CACNA1C: variants seen among roughly 807,000 people sequenced by gnomAD.
CACNA1C encodes the protein voltage-dependent L-type calcium channel subunit alpha-1C.
In CACNA1C, 30 loss-of-function variants were observed where a neutral mutation model predicts 229.0. That is an observed-to-expected ratio of 0.13 (90% CI 0.10 to 0.18). The LOEUF is 0.18. Among genes scored for constraint, CACNA1C ranks in the 10% least tolerant of loss-of-function variants. The pLI, the probability that CACNA1C is intolerant of heterozygous loss-of-function variation, is 1.00. For missense variants in CACNA1C, 1,658 were observed against 2,845.0 expected (o/e 0.58, Z 9.49); for synonymous variants, 1,114 against 1,132.5 (o/e 0.98, Z 0.33).
chr12:2,068,931 G>T (rs2060301193), intron 1 of CACNA1C, among the ~76,000 whole-genome samples: 1 of 152,256 alleles, frequency 6.6e-6, no homozygotes, highest in Admixed American at 6.5e-5. Flanking sequence ...GAGGGTATCA[G>T]TTGGGGAATG....
chr12:2,558,805 G>GT (rs2045941947), intron 11 of CACNA1C, among the ~76,000 whole-genome samples: 1 of 152,108 alleles, frequency 6.6e-6, no homozygotes, highest in Non-Finnish European at 1.5e-5. Context: ...TTTCTCTCCC[G>GT]TTTCACTAGG....
intron 3 of CACNA1C, among the ~76,000 whole-genome samples, chr12:2,431,185 C>T (rs181547883): frequency 6.6e-6 from 1 of 152,328 alleles, no homozygotes; most frequent in Admixed American, 6.5e-5. Flanking sequence ...CCCAGGTCCT[C>T]CCCAGGATCT....
intron 5 of CACNA1C, among the ~76,000 whole-genome samples, chr12:2,461,248 T>C (rs73042168): frequency 0.11 from 16,801 of 152,256 alleles, 990 homozygotes; most frequent in Middle Eastern, 0.18. Flanking sequence ...ACATGATCTG[T>C]TGGCAGCTTT....
At chr12:2,578,072 G>T (rs932625171) in intron 13 of CACNA1C, among the ~76,000 whole-genome samples, 1 of 151,866 alleles carries the variant, frequency 6.6e-6, no homozygotes. Context: ...GTTTCACCGT[G>T]TTAGCCAGGA....
chr12:2,452,851 T>C (rs2099391010), intron 4 of CACNA1C, among the ~76,000 whole-genome samples: 1 of 152,206 alleles, frequency 6.6e-6, no homozygotes, highest in Non-Finnish European at 1.5e-5. Context: ...TGGTTTGCAT[T>C]TGGAATGTTG....
rs3085990 is a variant in CACNA1C, at chr12:2,067,481, T to TGTGTGTGTGTGTGTGTGTGTGTGC, written c.49+13871_49+13872insTGTGTGTGTGTGTGTGTGTGTGCG. Reference sequence around the variant, plus strand: ...GTGTGTGTGTGTGTGTGTGTGTGTGTGCGCGCGTGTGCGTGCCTGTATGTA... The same window carrying TGTGTGTGTGTGTGTGTGTGTGTGC: ...GTGTGTGTGTGTGTGTGTGTGTGTGTGTGTGTGTGTGTGTGTGTGTGTGCGCGCGCGTGTGCGTGCCTGTATGTA... On this transcript the variant is annotated intron_variant, in intron 1 of 46. Coordinates refer to ENST00000399655, the MANE Select transcript of CACNA1C (RefSeq NM_000719.7). The surrounding 1 kb of genome is among the most constrained non-coding windows in gnomAD (Gnocchi z 5.3). 1.4e-5 allele frequency among the ~76,000 whole-genome samples: 2 copies of TGTGTGTGTGTGTGTGTGTGTGTGC among 140,778 alleles called. No individual in the cohort carries two copies. The highest frequency in any genetic ancestry group is 5.5e-5 in the African/African-American group (2 of 36,648). 92.4% of individuals were successfully genotyped at this position (140,778 alleles called of 152,430 possible).
chr12:2,229,748 TGACAGACGAACGGC>T (rs2064173951), intron 3 of CACNA1C, among the ~76,000 whole-genome samples: 1 of 152,136 alleles, frequency 6.6e-6, no homozygotes, highest in East Asian at 1.9e-4. Flanking sequence ...TTACAGACAC[TGACAGACGAACGGC>T]CTGGCAGGCT....
chr12:2,661,270 T>TACACACAC (rs571791344), intron 34 of CACNA1C, among the ~76,000 whole-genome samples: 77 of 131,256 alleles, frequency 5.9e-4, no homozygotes, highest in East Asian at 2.3e-3. Context: ...TCTAAACACA[T>TACACACAC]ACACACACAT....
chr12:1,979,001 G>T (rs1374760288), intron 1 of CACNA1C, among the ~76,000 whole-genome samples: 2 of 152,128 alleles, frequency 1.3e-5, no homozygotes, highest in Admixed American at 1.3e-4. Context: ...TTGAGCATTT[G>T]TGTAAAAGTC....
intron 3 of CACNA1C, among the ~76,000 whole-genome samples, chr12:2,241,421 C>G (rs2070160300): frequency 6.6e-6 from 1 of 152,096 alleles, no homozygotes; most frequent in South Asian, 2.1e-4. Context: ...TTATGCCTCC[C>G]CCCTTGTCCC....
At chr12:2,125,192 A>T (rs2089470838) in intron 3 of CACNA1C, among the ~76,000 whole-genome samples, 1 of 152,110 alleles carries the variant, frequency 6.6e-6, no homozygotes, top group Non-Finnish European at 1.5e-5. Context: ...GGGAACAGAG[A>T]GTTTAAGATA....
At chr12:2,271,369 C>G (rs561630036) in intron 3 of CACNA1C, among the ~76,000 whole-genome samples, 1 of 152,318 alleles carries the variant, frequency 6.6e-6, no homozygotes, top group Non-Finnish European at 1.5e-5. Flanking sequence ...GAAAAGTACT[C>G]AGAGAGAATC....
At chr12:2,607,669 A>T (rs749430972) in intron 26 of CACNA1C, among the ~76,000 whole-genome samples, 2 of 152,274 alleles carry the variant, frequency 1.3e-5, no homozygotes, top group African/African-American at 2.4e-5. Context: ...GTTTGTGCGT[A>T]GAGCAGCCCG....
intron 3 of CACNA1C, among the ~76,000 whole-genome samples, chr12:2,135,154 C>G (rs1338200286): frequency 8.2e-5 from 12 of 146,772 alleles, no homozygotes; most frequent in Non-Finnish European, 1.8e-4. Flanking sequence ...GTTTTCAGCT[C>G]CATCAGCTCC....
At chr12:2,682,051 C>T (rs531405662) in intron 42 of CACNA1C, 1 of 1,551,762 alleles carries the variant, frequency 6.4e-7, no homozygotes, top group East Asian at 2.2e-5. Context: ...GCAAACCCCT[C>T]TAGGTGAGGC....
intron 3 of CACNA1C, among the ~76,000 whole-genome samples, chr12:2,448,427 T>A (rs1022046366): frequency 1.3e-5 from 2 of 152,212 alleles, no homozygotes. Context: ...TGCCTCTGTC[T>A]GGGCTGCTCT....
intron 3 of CACNA1C, among the ~76,000 whole-genome samples, chr12:2,322,976 A>T (rs1364620130): frequency 6.6e-6 from 1 of 151,654 alleles, no homozygotes; most frequent in Non-Finnish European, 1.5e-5. Flanking sequence ...GGTCCTCACC[A>T]CTCCCCATAG....
chr12:2,616,254 G>A (rs1238259158), intron 29 of CACNA1C, among the ~76,000 whole-genome samples: 1 of 152,112 alleles, frequency 6.6e-6, no homozygotes, highest in Non-Finnish European at 1.5e-5. Context: ...TTTCCCACAC[G>A]TTCCCAGTCT....
chr12:2,351,280 C>T (rs1322253889), intron 3 of CACNA1C, among the ~76,000 whole-genome samples: 6 of 152,154 alleles, frequency 3.9e-5, no homozygotes, highest in African/African-American at 1.2e-4. Context: ...TCCCCTGGGG[C>T]GAAGGTGGCC....
Sources: gnomAD v4.1 joint callset for allele counts (sites outside exome capture counted in the v4.1 genomes callset) on GRCh38, gnomAD v4.1.1 for gene constraint, Gnocchi (gnomAD v3.1) non-coding constraint, MANE v1.5 for transcripts, NCBI Gene and HGNC (gene_info 2026-07-23, HGNC 2026-07-21) for gene names.